The following LAMA2 variants were observed in gnomAD, a reference collection of about 807,000 sequenced individuals.
The protein encoded by LAMA2 is laminin subunit alpha 2.
In LAMA2, 269 loss-of-function variants were observed where a neutral mutation model predicts 364.8. That is an observed-to-expected ratio of 0.74 (90% CI 0.67 to 0.82). The LOEUF is 0.82. Among genes scored for constraint, LAMA2 ranks in the 40% least tolerant of loss-of-function variants. LAMA2 has a pLI of 0.00. For missense variants in LAMA2, 3,807 were observed against 3,873.2 expected, an observed-to-expected ratio of 0.98 and a Z score of 0.45; for synonymous variants, 1,379 against 1,370.6, an observed-to-expected ratio of 1.01 and a Z score of -0.14.
intron 47 of LAMA2, among the ~76,000 whole-genome samples, chr6:129,455,201 C>T (rs1782890381): frequency 6.6e-6 from 1 of 151,856 alleles, no homozygotes; most frequent in Non-Finnish European, 1.5e-5. Flanking sequence ...CTGTGAATAA[C>T]CACTGCAGTC....
chr6:129,375,836 A>G (rs1214450853), intron 34 of LAMA2, among the ~76,000 whole-genome samples: 2 of 152,002 alleles, frequency 1.3e-5, no homozygotes, highest in Non-Finnish European at 2.9e-5. Flanking sequence ...TAAACTCATC[A>G]TTTCCTCTTA....
chr6:129,305,734 A>G (rs1773826321), intron 22 of LAMA2, among the ~76,000 whole-genome samples: 1 of 151,956 alleles, frequency 6.6e-6, no homozygotes, highest in Non-Finnish European at 1.5e-5. Context: ...GAGGAGTTAA[A>G]TCATTTCCAC....
chr6:129,345,836 G>A (rs934615165), intron 30 of LAMA2, among the ~76,000 whole-genome samples: 1 of 152,070 alleles, frequency 6.6e-6, no homozygotes, highest in African/African-American at 2.4e-5. Flanking sequence ...GACGTATTAG[G>A]CTAATTAACA....
At chr6:128,979,766 T>C (rs192023786) in intron 1 of LAMA2, among the ~76,000 whole-genome samples, 4 of 152,318 alleles carry the variant, frequency 2.6e-5, no homozygotes. Flanking sequence ...ATAACATTGT[T>C]CAGATGAAAC....
chr6:129,291,555 C>T lies in LAMA2; in HGVS notation c.2750-59C>T, dbSNP rs1055235327. ...CCATGTGGGGTATATTATTATTTAACAAGCCTATTAAGACTATTAGAAAGT... is the reference window on the plus strand; with the variant it reads ...CCATGTGGGGTATATTATTATTTAATAAGCCTATTAAGACTATTAGAAAGT... On this transcript the variant is annotated intron_variant, in intron 19 of 64. Coordinates refer to ENST00000421865, the MANE Select transcript of LAMA2 (RefSeq NM_000426.4). 47 of 1,161,434 alleles carry T rather than the reference C, an allele frequency of 4.0e-5. No individual in the cohort carries two copies. The Admixed American group carries it at 8.2e-4, about 20-fold the overall frequency. The allele number at this position is 1,161,434 out of a possible 1,614,324, so 71.9% of individuals were successfully genotyped here. A position where few individuals can be genotyped will look rare whatever the true frequency, so the allele number is the denominator to read the frequency against.
intron 22 of LAMA2, among the ~76,000 whole-genome samples, chr6:129,302,412 T>A (rs1773604184): frequency 6.6e-6 from 1 of 152,108 alleles, no homozygotes; most frequent in Non-Finnish European, 1.5e-5. Flanking sequence ...TCTGGATACA[T>A]GTTCTTTAAC....
chr6:129,155,473 G>A (rs187396113), intron 8 of LAMA2, among the ~76,000 whole-genome samples: 17 of 151,998 alleles, frequency 1.1e-4, no homozygotes, highest in African/African-American at 3.6e-4. Flanking sequence ...AATTTTAATC[G>A]TAAGGGCTTA....
intron 1 of LAMA2, among the ~76,000 whole-genome samples, chr6:129,016,810 T>C (rs1295808125): frequency 6.6e-6 from 1 of 151,764 alleles, no homozygotes; most frequent in East Asian, 1.9e-4. Flanking sequence ...GAGGTTTTTA[T>C]TTATTACAAT....
At chr6:129,066,023 A>G (rs961881839) in intron 3 of LAMA2, among the ~76,000 whole-genome samples, 1 of 126,860 alleles carries the variant, frequency 7.9e-6, no homozygotes, top group African/African-American at 3.0e-5. Context: ...TCTTTTGTAA[A>G]TTGCCCAGTC....
chr6:129,198,877 C>T (rs1471672136), intron 12 of LAMA2, among the ~76,000 whole-genome samples: 1 of 152,008 alleles, frequency 6.6e-6, no homozygotes, highest in African/African-American at 2.4e-5. Flanking sequence ...GTCAAATAAA[C>T]CTTCCAATGA....
chr6:129,276,253 A>G (rs1468416789), intron 17 of LAMA2, among the ~76,000 whole-genome samples: 2 of 152,102 alleles, frequency 1.3e-5, no homozygotes, highest in Non-Finnish European at 2.9e-5. Flanking sequence ...CAAGATAATA[A>G]TTAGTTGAAA....
chr6:129,447,698 G>A (rs1039225696), intron 45 of LAMA2, among the ~76,000 whole-genome samples: 12 of 152,106 alleles, frequency 7.9e-5, no homozygotes, highest in African/African-American at 2.7e-4. Context: ...CAGTGTATGG[G>A]GTAGATGAAA....
intron 44 of LAMA2, among the ~76,000 whole-genome samples, chr6:129,443,500 T>A (rs1782218713): frequency 6.6e-6 from 1 of 152,166 alleles, no homozygotes; most frequent in Admixed American, 6.6e-5. Context: ...ATTAACTAGA[T>A]TATGCTGTTT....
intron 46 of LAMA2, among the ~76,000 whole-genome samples, 200 bp downstream of exon 46, chr6:129,453,331 TAC>T (rs1436224756): frequency 6.6e-6 from 1 of 152,180 alleles, no homozygotes. Flanking sequence ...GGAAGAAAAC[TAC>T]AGTGTTTAGT....
chr6:129,260,735 C>A lies in LAMA2; in HGVS notation c.2121C>A (p.Ser707=), dbSNP rs145622088. The A allele has an allele frequency of 2.5e-6, 4 of 1,611,992 alleles. No individual in the cohort carries two copies. Among genetic ancestry groups the A allele is most frequent in the Non-Finnish European group, 3.4e-6 (4 of 1,178,276 alleles). Reference sequence around the variant, plus strand: ...GGTTGAGCTCTGTTAACCTTGAATCCGCTGTCTCCTATCCTACTGATGGAA... The same window carrying A: ...GGTTGAGCTCTGTTAACCTTGAATCAGCTGTCTCCTATCCTACTGATGGAA... ...IFRLSSVNLE[S]AVSYPTDGSI... Residue 707 remains serine (S), a synonymous_variant, in exon 15 of 65, where the codon TCC becomes TCA. Transcript: ENST00000421865.
intron 1 of LAMA2, among the ~76,000 whole-genome samples, chr6:129,010,943 T>C (rs919987128): frequency 1.4e-4 from 21 of 152,206 alleles, no homozygotes; most frequent in African/African-American, 4.6e-4. Context: ...GCGTGTTCAC[T>C]TTTGATTTCA....
intron 13 of LAMA2, 31 bp from the exon 14 acceptor site, chr6:129,252,051 ACT>A: frequency 6.8e-7 from 1 of 1,462,620 alleles, no homozygotes; most frequent in African/African-American, 1.4e-5. Flanking sequence ...TTTCAGTTTT[ACT>A]CTTTTTTATT....
At chr6:129,383,821 G>A (rs921386551) in intron 35 of LAMA2, among the ~76,000 whole-genome samples, 1 of 152,096 alleles carries the variant, frequency 6.6e-6, no homozygotes, top group African/African-American at 2.4e-5. Flanking sequence ...AAAGAATACA[G>A]ATAATGCCCC....
chr6:129,475,340 A>C, intron 52 of LAMA2, 50 bp from the exon 53 acceptor site: 1 of 1,056,812 alleles, frequency 9.5e-7, no homozygotes, highest in Non-Finnish European at 1.4e-6. Flanking sequence ...TGTAATTATA[A>C]GTAAATTGTT....
Sources: gnomAD v4.1 joint callset for allele counts (sites outside exome capture counted in the v4.1 genomes callset) on GRCh38, gnomAD v4.1.1 for gene constraint, MANE v1.5 for transcripts, NCBI Gene and HGNC (gene_info 2026-07-23, HGNC 2026-07-21) for gene names.